NBL1: variants seen among roughly 807,000 people sequenced by gnomAD.
The protein encoded by NBL1 is neuroblastoma suppressor of tumorigenicity 1.
Under a neutral mutation model 16.0 loss-of-function variants are expected in NBL1, and 9 were observed. The observed-to-expected ratio is 0.56, with a 90% CI of 0.34 to 0.98. The LOEUF (loss-of-function observed/expected upper bound fraction) is 0.98, where lower values mean the gene tolerates loss of function less well. Among genes scored for constraint, NBL1 ranks in the 50% least tolerant of loss-of-function variants. The pLI is 0.02. For synonymous variants in NBL1, 86 were observed against 100.7 expected (o/e 0.85, Z 0.87); for missense variants, 196 against 243.1 (o/e 0.81, Z 1.29).
chr1:19,647,842 A>G (rs2094990852), intron 1 of NBL1, among the ~76,000 whole-genome samples: 1 of 150,352 alleles, frequency 6.7e-6, no homozygotes, highest in African/African-American at 2.5e-5. Context: ...CGGTAACAGG[A>G]AAGGCCTGGT....
At chr1:19,646,135 G>A (rs1296433965) in intron 1 of NBL1, 4 of 1,350,416 alleles carry the variant, frequency 3.0e-6, no homozygotes, top group East Asian at 2.5e-5. Context: ...CTGTGTGTCC[G>A]CCCTCTGGAC....
At chr1:19,651,689 T>C (rs568718368) in intron 1 of NBL1, among the ~76,000 whole-genome samples, 1 of 152,014 alleles carries the variant, frequency 6.6e-6, no homozygotes, top group South Asian at 2.1e-4. Flanking sequence ...CTCTTTTCTT[T>C]CCTGTCCTTT....
chr1:19,643,459 G>A, upstream of NBL1: 2 of 1,602,502 alleles, frequency 1.2e-6, no homozygotes, highest in Non-Finnish European at 1.7e-6. This position sits in a 1 kb window ranked among gnomAD's most constrained non-coding sequence, Gnocchi z 4.7. Context: ...GTGTCCCTGG[G>A]CCACCACTTT....
chr1:19,644,158 C>T (rs1165890370), upstream of NBL1: 1 of 979,930 alleles, frequency 1.0e-6, no homozygotes, highest in Non-Finnish European at 1.2e-6. The surrounding 1 kb of genome is among the most constrained non-coding windows in gnomAD (Gnocchi z 4.6). Flanking sequence ...CGCCGCGGCG[C>T]CCCCTCCTGC....
intron 1 of NBL1, among the ~76,000 whole-genome samples, chr1:19,651,059 G>A (rs922053195): frequency 5.9e-5 from 9 of 152,222 alleles, no homozygotes; most frequent in Admixed American, 2.6e-4. Flanking sequence ...TAGGTGCTGA[G>A]TACCTTCATT....
At chr1:19,650,909 T>C (rs983613078) in intron 1 of NBL1, among the ~76,000 whole-genome samples, 1 of 152,198 alleles carries the variant, frequency 6.6e-6, no homozygotes, top group Non-Finnish European at 1.5e-5. Context: ...CAGGTGTGTC[T>C]GGATGACAGC....
chr1:19,647,437 TA>T (rs1231486169), intron 1 of NBL1, among the ~76,000 whole-genome samples: 1 of 151,778 alleles, frequency 6.6e-6, no homozygotes, highest in Non-Finnish European at 1.5e-5. Flanking sequence ...AATAAAAACA[TA>T]AAGATAAAAA....
At chr1:19,646,019 G>A (rs558529900) in intron 1 of NBL1, 1 of 1,550,494 alleles carries the variant, frequency 6.4e-7, no homozygotes, top group East Asian at 2.4e-5. Flanking sequence ...TCGTTTGCGG[G>A]CAGGAGGGTC....
rs749726493 is a variant in NBL1, at chr1:19,655,221, G to C, written c.170+21G>C. On this transcript the variant is annotated intron_variant, in intron 2 of 3. Coordinates refer to ENST00000375136, the MANE Select transcript of NBL1 (RefSeq NM_005380.8). ...AACAGGTGGGACCCAAGGGGTGGGT[G>C]GGGGGATGCGGACAGGGGTCCAAGG... 2.4e-5 allele frequency: 39 copies of C among 1,602,896 alleles called. No individual in the cohort carries two copies. In the South Asian group the frequency reaches 4.1e-4, roughly 17 times the overall value.
At chr1:19,645,632 C>T in intron 1 of NBL1, 2 of 1,134,784 alleles carry the variant, frequency 1.8e-6, no homozygotes, top group Non-Finnish European at 2.2e-6. Context: ...CCCTAGACTC[C>T]CCCAGATGCT....
intron 1 of NBL1, chr1:19,645,312 C>T: frequency 1.0e-6 from 1 of 967,270 alleles, no homozygotes; most frequent in Non-Finnish European, 1.2e-6. Flanking sequence ...GCCGGCTGGA[C>T]GACAGGCCCT....
At chr1:19,645,783 A>G in intron 1 of NBL1, 1 of 1,410,894 alleles carries the variant, frequency 7.1e-7, no homozygotes, top group Non-Finnish European at 9.3e-7. Context: ...GGAGGGGTGG[A>G]CAGGGGAGTA....
rs540570936 is a variant in NBL1, at chr1:19,649,690, C to T, written c.-20+5244C>T. 2.0e-5 allele frequency among the ~76,000 whole-genome samples: 3 copies of T among 152,018 alleles called. No homozygotes were observed. In the East Asian group the frequency reaches 5.8e-4, roughly 29 times the overall value. ...GAATTATAATACTGTATTTTTACTA[C>T]ACCTTTTCTTTCTTTCATGATTGTG... On this transcript the variant is annotated intron_variant, in intron 1 of 3. Transcript: ENST00000375136.
At chr1:19,644,217 G>C (rs1570539048), upstream of NBL1, 1 of 977,236 alleles carries the variant, frequency 1.0e-6, no homozygotes, top group Non-Finnish European at 1.2e-6. This position sits in a 1 kb window ranked among gnomAD's most constrained non-coding sequence, Gnocchi z 4.6. Flanking sequence ...TTCTGCGCGC[G>C]GCCCTCCCCG....
At chr1:19,656,791 G>C (rs1570571875) in intron 3 of NBL1, 75 bp from the exon 4 acceptor site, 1 of 1,500,170 alleles carries the variant, frequency 6.7e-7, no homozygotes, top group East Asian at 2.4e-5. Context: ...CCATGAGGAA[G>C]TATTACCCTA....
Position 19,657,324 on chromosome 1 carries a change from A to C in NBL1, c.*195A>C. 9 of 330,112 alleles carry C rather than the reference A, an allele frequency of 2.7e-5. No individual in the cohort carries two copies. The highest frequency in any genetic ancestry group is 2.7e-5 in the Non-Finnish European group (5 of 182,356). 20.4% of individuals were successfully genotyped at this position (330,112 alleles called of 1,614,324 possible). ...AGAGCCAAGCTGCACAATTTAATAT[A>C]TTCAAGAGTGGGGGGAGGAAGCAGA... On this transcript the variant is annotated 3_prime_UTR_variant, in exon 4 of 4. Coordinates refer to ENST00000375136, the MANE Select transcript of NBL1 (RefSeq NM_005380.8).
upstream of NBL1, chr1:19,643,521 A>G: frequency 6.7e-7 from 1 of 1,488,002 alleles, no homozygotes; most frequent in Admixed American, 2.1e-5. This position sits in a 1 kb window ranked among gnomAD's most constrained non-coding sequence, Gnocchi z 4.7. Context: ...AGAATAGAGA[A>G]GGTACGGCCG....
chr1:19,647,714 G>T, intron 1 of NBL1: 3 of 974,758 alleles, frequency 3.1e-6, no homozygotes, highest in Non-Finnish European at 3.7e-6. Context: ...GTGTGGGGAG[G>T]TTCCCCGAGG....
Position 19,655,172 on chromosome 1 carries a change from G to A in NBL1, c.142G>A (p.Gly48Ser), listed in dbSNP as rs766504658. 7.5e-6 allele frequency: 12 copies of A among 1,609,146 alleles called. No individual in the cohort carries two copies. Among genetic ancestry groups the A allele is most frequent in the Middle Eastern group, 1.7e-4 (1 of 6,024 alleles). ...CATCACCCAGATCGTGGGCCACAGCGGCTGTGAGGCCAAGTCCATCCAGAA... is the reference window on the plus strand; with the variant it reads ...CATCACCCAGATCGTGGGCCACAGCAGCTGTGAGGCCAAGTCCATCCAGAA... Reference protein sequence around the residue: ...KNITQIVGHSGCEAKSIQNRA... With the variant: ...KNITQIVGHSSCEAKSIQNRA... Residue 48 changes from glycine to serine, a missense_variant, in exon 2 of 4, where the codon GGC becomes AGC. Gly to Ser is a moderately conservative substitution (Grantham distance 56). Transcript: ENST00000375136.
Sources: allele counts gnomAD v4.1 joint callset (sites outside exome capture counted in the v4.1 genomes callset), GRCh38; gene constraint gnomAD v4.1.1; non-coding constraint Gnocchi (gnomAD v3.1); transcripts MANE v1.5; gene names NCBI Gene and HGNC (gene_info 2026-07-23, HGNC 2026-07-21).